Variants in SCYL2 observed in about 807,000 individuals in gnomAD.
SCYL2 encodes the protein SCY1-like protein 2.
SCYL2 carries 36 observed loss-of-function variants against 100.4 expected under a neutral mutation model. The ratio of observed to expected loss-of-function variants is 0.36; its 90% confidence interval spans 0.27 to 0.47. The LOEUF (loss-of-function observed/expected upper bound fraction) is 0.47. Ranked by LOEUF, SCYL2 falls within the 20% of genes least tolerant of loss-of-function variation. The pLI, the probability that SCYL2 is intolerant of heterozygous loss-of-function variation, is 1.00. For missense variants in SCYL2, 902 were observed against 1,083.9 expected, an observed-to-expected ratio of 0.83 and a Z score of 2.36; for synonymous variants, 330 against 359.2, an observed-to-expected ratio of 0.92 and a Z score of 0.92.
intron 3 of SCYL2, among the ~76,000 whole-genome samples, chr12:100,296,469 G>A (rs1450731910): frequency 6.6e-6 from 1 of 152,094 alleles, no homozygotes; most frequent in Non-Finnish European, 1.5e-5. Flanking sequence ...TTGAAATGTA[G>A]GGAAAACAAG....
intron 4 of SCYL2, among the ~76,000 whole-genome samples, chr12:100,304,764 G>T (rs535276722): frequency 6.6e-6 from 1 of 151,934 alleles, no homozygotes; most frequent in African/African-American, 2.4e-5. Context: ...CTCATCTCAC[G>T]TGCAAAGACA....
At position 100,312,564 on chromosome 12, in the gene SCYL2, G is replaced by GTTA. The variant is rs1239395200; in HGVS notation, c.765_767dup (p.Val255_Met256insIle). 5.6e-6 allele frequency: 9 copies of GTTA among 1,612,970 alleles called. No homozygotes were observed. Among genetic ancestry groups the GTTA allele is most frequent in the Non-Finnish European group, 7.6e-6 (9 of 1,179,070 alleles). On this transcript the variant is annotated inframe_insertion, in exon 6 of 18. Transcript: ENST00000360820. ...CAGTGATATGTATTCTTTAGGAACT[G>GTTA]TTATGTATGCTGTATTTAATAAAGG...
chr12:100,321,990 G>T (rs1238134238), intron 10 of SCYL2, among the ~76,000 whole-genome samples: 2 of 147,490 alleles, frequency 1.4e-5, no homozygotes, highest in African/African-American at 5.0e-5. Flanking sequence ...GGATGCTACA[G>T]TGAGCTATGA....
At chr12:100,279,354 C>T (rs939741830) in intron 1 of SCYL2, among the ~76,000 whole-genome samples, 2 of 152,208 alleles carry the variant, frequency 1.3e-5, no homozygotes, top group East Asian at 1.9e-4. Context: ...AATGCTTGCT[C>T]GCCTACCGCT....
At chr12:100,271,361 G>T (rs568703062) in intron 1 of SCYL2, among the ~76,000 whole-genome samples, 4 of 151,212 alleles carry the variant, frequency 2.6e-5, no homozygotes, top group Non-Finnish European at 5.9e-5. Context: ...ATAAGCACAC[G>T]TATTTTCCCC....
chr12:100,318,666 G>C (rs775625808), intron 10 of SCYL2, among the ~76,000 whole-genome samples: 2 of 152,074 alleles, frequency 1.3e-5, no homozygotes, highest in African/African-American at 2.4e-5. Flanking sequence ...CATTGAGTAG[G>C]TATTTTCCCA....
At chr12:100,275,013 C>T (rs1293044539) in intron 1 of SCYL2, among the ~76,000 whole-genome samples, 2 of 152,260 alleles carry the variant, frequency 1.3e-5, no homozygotes, top group South Asian at 4.2e-4. Context: ...ATTGAATCTT[C>T]CAATTCATGA....
At chr12:100,291,417 C>T (rs1221920258) in intron 2 of SCYL2, 86 bp from the exon 3 acceptor site, 2 of 898,120 alleles carry the variant, frequency 2.2e-6, no homozygotes, top group Non-Finnish European at 3.3e-6. Context: ...ATTTTTATGG[C>T]ATAGTTATTT....
rs897831631 is a variant in SCYL2, at chr12:100,339,493, G to A, written c.*321G>A. 1.5e-5 allele frequency: 4 copies of A among 275,860 alleles called. No homozygotes were observed. The highest frequency in any genetic ancestry group is 2.2e-5 in the African/African-American group (1 of 44,556). The allele number at this position is 275,860 out of a possible 1,614,324, so 17.1% of individuals were successfully genotyped here. A position where few individuals can be genotyped will look rare whatever the true frequency, so the allele number is the denominator to read the frequency against. ...TTTAATCAAATGTTTATTTTGGCTT[G>A]TGGATCTTGGTGTTATTTAAAAAAT... On this transcript the variant is annotated 3_prime_UTR_variant, in exon 18 of 18. Transcript: ENST00000360820.
At chr12:100,283,176 A>T (rs2096300743) in intron 2 of SCYL2, 29 bp downstream of exon 2, 1 of 1,551,700 alleles carries the variant, frequency 6.4e-7, no homozygotes, top group Non-Finnish European at 8.7e-7. Context: ...TCCACTTGGA[A>T]AAAACCCACA....
chr12:100,270,132 G>A (rs1255823362), intron 1 of SCYL2, among the ~76,000 whole-genome samples: 1 of 151,750 alleles, frequency 6.6e-6, no homozygotes, highest in African/African-American at 2.4e-5. Context: ...GACTACAGGC[G>A]CCCACCACCA....
chr12:100,297,797 C>T (rs183943819), intron 3 of SCYL2, among the ~76,000 whole-genome samples: 19 of 151,828 alleles, frequency 1.3e-4, no homozygotes, highest in Admixed American at 1.1e-3. Flanking sequence ...TAAAAAAGAT[C>T]GCAGTTATCA....
At chr12:100,303,986 G>T (rs933171267) in intron 4 of SCYL2, among the ~76,000 whole-genome samples, 1 of 152,188 alleles carries the variant, frequency 6.6e-6, no homozygotes, top group Non-Finnish European at 1.5e-5. Context: ...GAGCTAGTCT[G>T]GTTATAGTGG....
In SCYL2 at chr12:100,329,266, G is replaced by C. The variant is rs769209193; in HGVS notation, c.1708G>C (p.Val570Leu). ...CACCAAAGAGCAGCTGGCCGGAAAAGTGTTGCCTCATCTTATTCCCCTGAG... is the reference window on the plus strand; with the variant it reads ...CACCAAAGAGCAGCTGGCCGGAAAACTGTTGCCTCATCTTATTCCCCTGAG... ...GITKEQLAGKVLPHLIPLSIE... is the reference protein window; with the variant it reads ...GITKEQLAGKLLPHLIPLSIE... Residue 570 changes from valine to leucine, a missense_variant, in exon 13 of 18, where the codon GTG (valine) becomes CTG (leucine). By Grantham distance (32) the Val-to-Leu change is conservative (BLOSUM62 1). Transcript: ENST00000360820. 21 of 1,609,570 alleles carry C rather than the reference G, an allele frequency of 1.3e-5. No homozygotes were observed. Among genetic ancestry groups the C allele is most frequent in the African/African-American group, 2.7e-5 (2 of 74,834 alleles).
chr12:100,270,055 C>T (rs1019236151), intron 1 of SCYL2, among the ~76,000 whole-genome samples: 1 of 151,162 alleles, frequency 6.6e-6, no homozygotes, highest in Non-Finnish European at 1.5e-5. Context: ...GGCGCGATCT[C>T]GGCTCACTGC....
At chr12:100,290,114 C>T (rs2096308834) in intron 2 of SCYL2, among the ~76,000 whole-genome samples, 1 of 152,166 alleles carries the variant, frequency 6.6e-6, no homozygotes, top group Admixed American at 6.5e-5. Context: ...TACTGTGTCA[C>T]TTATTCTTCA....
intron 4 of SCYL2, among the ~76,000 whole-genome samples, chr12:100,298,830 C>A (rs1177696160): frequency 1.3e-5 from 2 of 152,216 alleles, no homozygotes; most frequent in African/African-American, 4.8e-5. Context: ...GATCCACCCA[C>A]CTCGGCCTCC....
Position 100,315,744 on chromosome 12 carries a change from A to G in SCYL2, c.1272+10A>G. 6.3e-7 allele frequency: 1 copy of G among 1,589,904 alleles called. No individual in the cohort carries two copies. Reference sequence around the variant, plus strand: ...GCAGGAGCCAATCCAGGTATGTTATAGATATTTTTGTGTATTTATCTACTG... The same window carrying G: ...GCAGGAGCCAATCCAGGTATGTTATGGATATTTTTGTGTATTTATCTACTG... On this transcript the variant is annotated intron_variant, in intron 9 of 17. Coordinates refer to ENST00000360820, the MANE Select transcript of SCYL2 (RefSeq NM_017988.6).
At chr12:100,268,246 A>T (rs1344686) in intron 1 of SCYL2, among the ~76,000 whole-genome samples, 1 of 152,190 alleles carries the variant, frequency 6.6e-6, no homozygotes, top group South Asian at 2.1e-4. Flanking sequence ...ATTGGATACT[A>T]TGAGTGAGTT....
Sources: allele counts gnomAD v4.1 joint callset (sites outside exome capture counted in the v4.1 genomes callset), GRCh38; gene constraint gnomAD v4.1.1; transcripts MANE v1.5; gene names NCBI Gene and HGNC (gene_info 2026-07-23, HGNC 2026-07-21).